The following ADAMTS12 variants were observed in gnomAD, a reference collection of about 807,000 sequenced individuals.
The protein encoded by ADAMTS12 is A disintegrin and metalloproteinase with thrombospondin motifs 12.
In ADAMTS12, 118 loss-of-function variants were observed where a neutral mutation model predicts 167.8. That is an observed-to-expected ratio of 0.70 (90% CI 0.61 to 0.82). The LOEUF (loss-of-function observed/expected upper bound fraction) is 0.82, where lower values mean the gene tolerates loss of function less well. Among genes scored for constraint, ADAMTS12 ranks in the 40% least tolerant of loss-of-function variants. The pLI is 0.00. For synonymous variants in ADAMTS12, 704 were observed against 716.9 expected, an observed-to-expected ratio of 0.98 and a Z score of 0.29; for missense variants, 1,916 against 1,998.8, an observed-to-expected ratio of 0.96 and a Z score of 0.79.
chr5:33,604,073 G>A (rs947070791), intron 16 of ADAMTS12, among the ~76,000 whole-genome samples: 8 of 152,078 alleles, frequency 5.3e-5, no homozygotes, highest in East Asian at 1.9e-4. Flanking sequence ...ACCAAGGAAC[G>A]CCAGTACAGC....
chr5:33,682,968 G>T (rs2112261002), intron 5 of ADAMTS12, 50 bp downstream of exon 5: 1 of 1,501,980 alleles, frequency 6.7e-7, no homozygotes, highest in Non-Finnish European at 9.2e-7. Flanking sequence ...AAAAAAGAAG[G>T]TAGGAAGTGC....
intron 23 of ADAMTS12, among the ~76,000 whole-genome samples, chr5:33,534,183 G>A (rs1322497475): frequency 6.6e-6 from 1 of 152,108 alleles, no homozygotes; most frequent in Non-Finnish European, 1.5e-5. Flanking sequence ...TGAAGAGTGT[G>A]GGAGTGTGAA....
chr5:33,755,805 G>A (rs979982121), intron 2 of ADAMTS12, among the ~76,000 whole-genome samples: 1 of 152,096 alleles, frequency 6.6e-6, no homozygotes, highest in African/African-American at 2.4e-5. Flanking sequence ...TTTGAAAATC[G>A]CAGATGTTAC....
chr5:33,556,147 G>A (rs926845849), intron 20 of ADAMTS12, among the ~76,000 whole-genome samples: 1 of 152,182 alleles, frequency 6.6e-6, no homozygotes, highest in African/African-American at 2.4e-5. Context: ...CCTCTACAAA[G>A]TAAGTAGAGG....
intron 3 of ADAMTS12, among the ~76,000 whole-genome samples, chr5:33,750,429 T>C (rs1288321159): frequency 1.3e-5 from 2 of 152,198 alleles, no homozygotes; most frequent in African/African-American, 4.8e-5. Context: ...CTTGTCCTCT[T>C]GTCCTTTCAT....
chr5:33,891,954 G>A lies in ADAMTS12; in HGVS notation c.-98C>T, dbSNP rs547922057. ...TGGCCCAGCAGGAAGATGCAGGGGT[G>A]CATGGTCAGGCGCGAGAAGGCAGCG... On this transcript the variant is annotated 5_prime_UTR_variant, in exon 1 of 24. Transcript: ENST00000504830. The A allele has an allele frequency of 1.2e-4, 169 of 1,466,502 alleles. 1 individual carries two copies. The African/African-American group carries it at 2.0e-3, about 17-fold the overall frequency. 90.8% of individuals were successfully genotyped at this position (1,466,502 alleles called of 1,614,324 possible). A position where few individuals can be genotyped will look rare whatever the true frequency, so the allele number is the denominator to read the frequency against.
chr5:33,810,194 A>G (rs1010652964), intron 2 of ADAMTS12, among the ~76,000 whole-genome samples: 5 of 152,296 alleles, frequency 3.3e-5, no homozygotes, highest in African/African-American at 9.6e-5. Flanking sequence ...CAGAACACTC[A>G]TCTGGTAGCA....
chr5:33,827,710 AATAGATAGATAGATAG>A (rs60023282), intron 2 of ADAMTS12, among the ~76,000 whole-genome samples: 194 of 99,092 alleles, frequency 2.0e-3, no homozygotes, highest in Middle Eastern at 4.8e-3. Context: ...GAGAAAACAA[AATAGATAGATAGATAG>A]ATAGATAGAT....
At chr5:33,652,065 G>T (rs1415103353) in intron 7 of ADAMTS12, among the ~76,000 whole-genome samples, 1 of 152,042 alleles carries the variant, frequency 6.6e-6, no homozygotes, top group African/African-American at 2.4e-5. Context: ...CTTTGCCATT[G>T]TGAATAGTGC....
At chr5:33,789,484 T>C (rs1746448802) in intron 2 of ADAMTS12, among the ~76,000 whole-genome samples, 1 of 152,176 alleles carries the variant, frequency 6.6e-6, no homozygotes, top group Non-Finnish European at 1.5e-5. Flanking sequence ...CTTTATTCTG[T>C]CAGAGAAAAG....
intron 2 of ADAMTS12, among the ~76,000 whole-genome samples, chr5:33,829,639 A>G (rs1433228707): frequency 6.6e-6 from 1 of 152,138 alleles, no homozygotes; most frequent in East Asian, 1.9e-4. Flanking sequence ...TTGGGTCTTA[A>G]TAATTAATTC....
At chr5:33,582,609 G>A (rs985996737) in intron 18 of ADAMTS12, among the ~76,000 whole-genome samples, 2 of 152,172 alleles carry the variant, frequency 1.3e-5, no homozygotes, top group African/African-American at 4.8e-5. Flanking sequence ...ACACCCCTGT[G>A]ATGAGCTTTG....
chr5:33,635,396 C>T (rs932161895), intron 12 of ADAMTS12, among the ~76,000 whole-genome samples: 3 of 152,130 alleles, frequency 2.0e-5, no homozygotes, highest in Non-Finnish European at 4.4e-5. Context: ...TGTGTGTTTT[C>T]GTGCTTAATG....
chr5:33,556,054 C>A (rs778055251), intron 20 of ADAMTS12, among the ~76,000 whole-genome samples: 1 of 152,202 alleles, frequency 6.6e-6, no homozygotes, highest in African/African-American at 2.4e-5. Flanking sequence ...ACCTAGAGCT[C>A]GACGTTTGTC....
chr5:33,652,286 T>C (rs1740891626), intron 7 of ADAMTS12, among the ~76,000 whole-genome samples: 1 of 152,138 alleles, frequency 6.6e-6, no homozygotes, highest in Non-Finnish European at 1.5e-5. Flanking sequence ...TCCTTGCCAA[T>C]AGCTGTCCTT....
In ADAMTS12 at chr5:33,891,916, A is replaced by G; in HGVS notation, c.-60T>C. 6.3e-7 allele frequency: 1 copy of G among 1,586,898 alleles called. No homozygotes were observed. ...GTTTTAGCCCTCAGCTCCAGAAATA[A>G]AGCGCTCGCCTGTGGCCCAGCAGGA... is the stretch of plus-strand genomic sequence containing the variant. On this transcript the variant is annotated 5_prime_UTR_variant, in exon 1 of 24. Transcript: ENST00000504830.
chr5:33,535,225 C>T (rs935525830), intron 22 of ADAMTS12, among the ~76,000 whole-genome samples: 2 of 152,222 alleles, frequency 1.3e-5, no homozygotes, highest in Non-Finnish European at 2.9e-5. Flanking sequence ...ATTAGGTTCT[C>T]TGCAGAACGT....
chr5:33,551,133 A>G (rs1745239509), intron 20 of ADAMTS12, among the ~76,000 whole-genome samples: 1 of 152,162 alleles, frequency 6.6e-6, no homozygotes, highest in Non-Finnish European at 1.5e-5. Context: ...TGGAATAGCC[A>G]TGATTCTAGG....
At chr5:33,801,670 A>T (rs570557321) in intron 2 of ADAMTS12, among the ~76,000 whole-genome samples, 1 of 152,336 alleles carries the variant, frequency 6.6e-6, no homozygotes, top group East Asian at 1.9e-4. Flanking sequence ...CTTACAGTGT[A>T]GCAGAAATGG....
Sources: gnomAD v4.1 joint callset for allele counts (sites outside exome capture counted in the v4.1 genomes callset) on GRCh38, gnomAD v4.1.1 for gene constraint, MANE v1.5 for transcripts, NCBI Gene and HGNC (gene_info 2026-07-23, HGNC 2026-07-21) for gene names.